The following SGCD variants were observed in gnomAD, a reference collection of about 807,000 sequenced individuals.
The protein encoded by SGCD is sarcoglycan delta.
SGCD carries 18 observed loss-of-function variants against 36.6 expected under a neutral mutation model. The ratio of observed to expected loss-of-function variants is 0.49; its 90% CI spans 0.34 to 0.73. The LOEUF (loss-of-function observed/expected upper bound fraction) is 0.73. Ranked by LOEUF, SGCD falls within the 30% of genes least tolerant of loss-of-function variation. The pLI is 0.01. For synonymous variants in SGCD, 133 were observed against 130.6 expected (o/e 1.02, Z -0.12); for missense variants, 387 against 346.7 (o/e 1.12, Z -0.92).
chr5:156,382,585 G>A (rs891170380), intron 3 of SGCD, among the ~76,000 whole-genome samples: 2 of 152,038 alleles, frequency 1.3e-5, no homozygotes, highest in Non-Finnish European at 2.9e-5. Flanking sequence ...ATGATGAGGG[G>A]TTTAAAATAA....
chr5:156,029,514 C>T (rs1050143135), intron 1 of SGCD, among the ~76,000 whole-genome samples: 1 of 152,184 alleles, frequency 6.6e-6, no homozygotes, highest in African/African-American at 2.4e-5. Context: ...CACTCTCTAG[C>T]TTGCCCTCTA....
chr5:156,676,489 C>T (rs780946431), intron 7 of SGCD, among the ~76,000 whole-genome samples: 9 of 152,120 alleles, frequency 5.9e-5, no homozygotes, highest in Non-Finnish European at 8.8e-5. Context: ...ATAAATAGCA[C>T]GTAGTCAAAA....
chr5:156,280,947 G>A (rs1387790805), intron 3 of SGCD, among the ~76,000 whole-genome samples: 3 of 152,144 alleles, frequency 2.0e-5, no homozygotes, highest in African/African-American at 7.2e-5. Context: ...TTAGGAGGCA[G>A]TTCCTGGAAT....
chr5:156,284,384 G>A (rs1766537443), intron 3 of SGCD, among the ~76,000 whole-genome samples: 2 of 152,014 alleles, frequency 1.3e-5, no homozygotes, highest in South Asian at 2.1e-4. Flanking sequence ...GAGAATTTTA[G>A]ACCAATATCC....
the SGCD span, among the ~76,000 whole-genome samples, chr5:155,730,299 C>G: frequency 1.3e-5 from 2 of 152,204 alleles, no homozygotes; most frequent in South Asian, 4.1e-4. Context: ...CCAAAATTGC[C>G]CAGTAACTTC....
intron 3 of SGCD, among the ~76,000 whole-genome samples, chr5:156,347,835 A>G (rs1325288183): frequency 1.3e-5 from 2 of 152,194 alleles, no homozygotes; most frequent in Admixed American, 1.3e-4. Flanking sequence ...TACCACTTAT[A>G]TGACATTAAG....
intron 4 of SGCD, among the ~76,000 whole-genome samples, chr5:156,535,227 TG>T (rs1270355421): frequency 6.6e-5 from 10 of 152,294 alleles, no homozygotes; most frequent in African/African-American, 2.4e-4. Context: ...CTCTGCTTCT[TG>T]GTTCATGGGG....
chr5:155,830,583 T>C, the SGCD span, among the ~76,000 whole-genome samples: 2 of 152,348 alleles, frequency 1.3e-5, no homozygotes, highest in South Asian at 4.1e-4. Context: ...TTATAACTTC[T>C]CTGGCCTTGT....
chr5:155,892,951 A>G (rs1447943781), intron 1 of SGCD, among the ~76,000 whole-genome samples: 1 of 152,228 alleles, frequency 6.6e-6, no homozygotes, highest in Non-Finnish European at 1.5e-5. Flanking sequence ...ACCAGCAGCC[A>G]AGAATAATGG....
chr5:155,935,121 G>A (rs1393119183), intron 1 of SGCD, among the ~76,000 whole-genome samples: 1 of 152,132 alleles, frequency 6.6e-6, no homozygotes, highest in Non-Finnish European at 1.5e-5. Context: ...TGGTTCCTTT[G>A]TGAGTCAACT....
At chr5:156,094,895 G>T (rs980176394) in intron 1 of SGCD, among the ~76,000 whole-genome samples, 1 of 152,128 alleles carries the variant, frequency 6.6e-6, no homozygotes. Context: ...CAGCTACTCA[G>T]GAGGCTGAGG....
chr5:156,440,976 T>C (rs1380481186), intron 3 of SGCD, among the ~76,000 whole-genome samples: 1 of 152,122 alleles, frequency 6.6e-6, no homozygotes, highest in East Asian at 1.9e-4. Flanking sequence ...AATTCATTGA[T>C]TTTTATTTGG....
intron 3 of SGCD, among the ~76,000 whole-genome samples, chr5:156,497,651 C>T (rs1041529137): frequency 6.6e-6 from 1 of 152,024 alleles, no homozygotes; most frequent in Non-Finnish European, 1.5e-5. Context: ...CTCTCACACA[C>T]ACACACACAC....
At chr5:155,891,558 CTTTT>C (rs372399423) in intron 1 of SGCD, among the ~76,000 whole-genome samples, 13 of 60,776 alleles carry the variant, frequency 2.1e-4, no homozygotes, top group African/African-American at 4.1e-4. Context: ...AATAAATACT[CTTTT>C]TTTTTTTTTT....
chr5:156,431,143 G>A (rs1304076918), intron 3 of SGCD, among the ~76,000 whole-genome samples: 2 of 152,146 alleles, frequency 1.3e-5, no homozygotes, highest in African/African-American at 4.8e-5. Context: ...TGCCAGGCCA[G>A]CAGGAAAGCT....
intron 7 of SGCD, among the ~76,000 whole-genome samples, chr5:156,695,331 T>C (rs942915714): frequency 3.9e-5 from 6 of 152,092 alleles, no homozygotes; most frequent in African/African-American, 1.4e-4. Context: ...ATCCAATCAA[T>C]TGAAGGCCTT....
At chr5:155,959,235 C>T (rs1757736258) in intron 1 of SGCD, among the ~76,000 whole-genome samples, 1 of 152,128 alleles carries the variant, frequency 6.6e-6, no homozygotes, top group African/African-American at 2.4e-5. Flanking sequence ...AGTTTTTCTT[C>T]CTATATCTTC....
chr5:155,991,739 A>C (rs1561674988), intron 1 of SGCD, among the ~76,000 whole-genome samples: 1 of 152,230 alleles, frequency 6.6e-6, no homozygotes, highest in African/African-American at 2.4e-5. Context: ...TATTAGAATA[A>C]AAATTGATGC....
chr5:156,252,812 G>A (rs1765616750), intron 3 of SGCD, among the ~76,000 whole-genome samples: 2 of 152,284 alleles, frequency 1.3e-5, no homozygotes, highest in South Asian at 4.1e-4. Flanking sequence ...CCAGGAAGAT[G>A]CAGCCTATTT....
Sources: gnomAD v4.1 joint callset for allele counts (sites outside exome capture counted in the v4.1 genomes callset) on GRCh38, gnomAD v4.1.1 for gene constraint, MANE v1.5 for transcripts, NCBI Gene and HGNC (gene_info 2026-07-23, HGNC 2026-07-21) for gene names.